ZNF75A: variants seen among roughly 807,000 people sequenced by gnomAD.
The protein encoded by ZNF75A is zinc finger protein 75A.
A neutral mutation model predicts 46.3 loss-of-function variants in ZNF75A; 36 were observed. The observed-to-expected ratio is 0.78, with a 90% confidence interval of 0.60 to 1.03. ZNF75A has a LOEUF of 1.03. Ranked by LOEUF, ZNF75A falls within the 50% of genes least tolerant of loss-of-function variation. The pLI is 0.00. For missense variants in ZNF75A, 595 were observed against 551.3 expected (o/e 1.08, Z -0.79); for synonymous variants, 234 against 189.9 (o/e 1.23, Z -1.91).
At chr16:3,311,298 CGTG>C (rs1327042859) in intron 2 of ZNF75A, among the ~76,000 whole-genome samples, 2 of 151,972 alleles carry the variant, frequency 1.3e-5, no homozygotes, top group African/African-American at 4.8e-5. Context: ...ATTAGCCAGG[CGTG>C]GTGGTGCATA....
At chr16:3,322,299 G>A (rs937497997), downstream of ZNF75A, among the ~76,000 whole-genome samples, 1 of 152,136 alleles carries the variant, frequency 6.6e-6, no homozygotes, top group Non-Finnish European at 1.5e-5. Flanking sequence ...TCTTGTGTGG[G>A]TTCACTGGGG....
chr16:3,306,340 T>C (rs758397707), intron 1 of ZNF75A: 1 of 152,212 alleles, frequency 6.6e-6, no homozygotes, highest in Non-Finnish European at 1.5e-5. Context: ...ATTTTGTAAA[T>C]AAAATATCCT....
chr16:3,318,080 T>C lies in ZNF75A; in HGVS notation c.*211T>C, dbSNP rs1468893781. The C allele has an allele frequency of 1.3e-5, 17 of 1,351,186 alleles. No homozygotes were observed. Among genetic ancestry groups the C allele is most frequent in the Non-Finnish European group, 1.4e-5 (15 of 1,056,490 alleles). 83.7% of individuals were successfully genotyped at this position (1,351,186 alleles called of 1,614,324 possible). ...GAAGTAAACATTGTTGGCTTTGTAT[T>C]GATCTCTCCAGTCATTTTTGAACAC... On this transcript the variant is annotated 3_prime_UTR_variant, in exon 7 of 7. Transcript: ENST00000669516.
At chr16:3,322,952 C>G (rs1380878564), downstream of ZNF75A, 8 of 984,980 alleles carry the variant, frequency 8.1e-6, no homozygotes, top group East Asian at 7.9e-4. Flanking sequence ...CTTCCGCCGA[C>G]AAGGAGGCAG....
chr16:3,309,002 T>A, intron 2 of ZNF75A, 166 bp downstream of exon 2: 1 of 233,140 alleles, frequency 4.3e-6, no homozygotes, highest in Non-Finnish European at 7.0e-6. Flanking sequence ...CACAGAAAAG[T>A]TCACAGGTTT....
downstream of ZNF75A, among the ~76,000 whole-genome samples, chr16:3,320,064 G>A (rs1481803701): frequency 6.1e-5 from 9 of 148,016 alleles, no homozygotes; most frequent in Non-Finnish European, 1.3e-4. Context: ...TTTTTTTCTT[G>A]AGACGGAGTC....
At chr16:3,319,362 G>A (rs1227204661), downstream of ZNF75A, among the ~76,000 whole-genome samples, 2 of 152,078 alleles carry the variant, frequency 1.3e-5, no homozygotes, top group African/African-American at 2.4e-5. Context: ...TGATCCACCC[G>A]CCTCGGCCTC....
chr16:3,311,254 A>C (rs141668450), intron 2 of ZNF75A, among the ~76,000 whole-genome samples: 3 of 152,014 alleles, frequency 2.0e-5, no homozygotes, highest in African/African-American at 7.3e-5. Flanking sequence ...CTTGACCAAC[A>C]TGAAGAAACC....
downstream of ZNF75A, chr16:3,323,076 A>G (rs1431373033): frequency 3.7e-6 from 2 of 543,392 alleles, no homozygotes; most frequent in African/African-American, 4.0e-5. Context: ...GTTTTTGAAG[A>G]TAAAGCAGGA....
chr16:3,318,822 G>A lies in ZNF75A; in HGVS notation c.*953G>A. ...CTGGACATGTAGTCAGCAGGAGACGGTTCCCTAAATAAAAGATTTGGGCAC... is the reference window on the plus strand; with the variant it reads ...CTGGACATGTAGTCAGCAGGAGACGATTCCCTAAATAAAAGATTTGGGCAC... On this transcript the variant is annotated 3_prime_UTR_variant, in exon 7 of 7. Coordinates refer to ENST00000669516, the MANE Select transcript of ZNF75A (RefSeq NM_001302109.2). 1 of 985,466 alleles carries A rather than the reference G, an allele frequency of 1.0e-6. No homozygotes were observed. The highest frequency in any genetic ancestry group is 1.2e-6 in the Non-Finnish European group (1 of 829,958). The allele number at this position is 985,466 out of a possible 1,614,324, so 61.0% of individuals were successfully genotyped here. A position where few individuals can be genotyped will look rare whatever the true frequency, so the allele number is the denominator to read the frequency against.
At chr16:3,312,148 A>T (rs1960855753) in intron 3 of ZNF75A, 200 bp downstream of exon 3, 1 of 154,010 alleles carries the variant, frequency 6.5e-6, no homozygotes, top group South Asian at 2.1e-4. Flanking sequence ...GAACAGAAAT[A>T]TCTAAACCAC....
Position 3,308,438 on chromosome 16 carries a change from G to A in ZNF75A, c.10G>A (p.Val4Ile), listed in dbSNP as rs895651174. Reference sequence around the variant, plus strand: ...AACTTCCTAGAGCAGAATGATGATGGTAGATCTGAAAGTGGCTGCGTACTT... The same window carrying A: ...AACTTCCTAGAGCAGAATGATGATGATAGATCTGAAAGTGGCTGCGTACTT... MMM[V>I]DLKVAAYLDP... Residue 4 changes from valine (V) to isoleucine (I), a missense_variant, in exon 2 of 7, where the codon GTA becomes ATA. Transcript: ENST00000669516. 1.0e-6 allele frequency: 1 copy of A among 985,876 alleles called. No individual in the cohort carries two copies. Among genetic ancestry groups the A allele is most frequent in the Non-Finnish European group, 1.2e-6 (1 of 829,954 alleles). 61.1% of individuals were successfully genotyped at this position (985,876 alleles called of 1,614,324 possible). A position where few individuals can be genotyped will look rare whatever the true frequency, so the allele number is the denominator to read the frequency against.
At chr16:3,308,051 C>T (rs529825583) in intron 1 of ZNF75A, 12 of 152,330 alleles carry the variant, frequency 7.9e-5, no homozygotes, top group African/African-American at 2.9e-4. Flanking sequence ...ACCTTTCAGC[C>T]AGTGGGTGCC....
chr16:3,317,470 G>C lies in ZNF75A; in HGVS notation c.1215G>C (p.Gln405His). Residue 405 changes from glutamine to histidine, a missense_variant, in exon 7 of 7, where the codon CAG (glutamine) becomes CAC (histidine). Gln to His is a conservative substitution (Grantham distance 24). Transcript: ENST00000669516. Reference sequence around the variant, plus strand: ...CAAGAGAGAAGCCTTTTAAATGTCAGGAATGTGGGAAAACCTTCAGAGTTA... The same window carrying C: ...CAAGAGAGAAGCCTTTTAAATGTCACGAATGTGGGAAAACCTTCAGAGTTA... ...DCAREKPFKC[Q>H]ECGKTFRVSS... 1 of 1,614,018 alleles carries C rather than the reference G, an allele frequency of 6.2e-7. No homozygotes were observed. Among genetic ancestry groups the C allele is most frequent in the Non-Finnish European group, 8.5e-7 (1 of 1,179,978 alleles).
rs1201588926 is a variant in ZNF75A at position 3,316,935 on chromosome 16, A to G, written c.847A>G (p.Lys283Glu). The G allele has an allele frequency of 3.7e-6, 6 of 1,613,444 alleles. No individual in the cohort carries two copies. Among genetic ancestry groups the G allele is most frequent in the Non-Finnish European group, 5.1e-6 (6 of 1,179,764 alleles). Residue 283 changes from lysine to glutamate, a missense_variant, in exon 6 of 7, where the codon AAA (lysine) becomes GAA (glutamate). Coordinates refer to ENST00000669516, the MANE Select transcript of ZNF75A (RefSeq NM_001302109.2). ...SLALFVLPKP[K>E]VISCLEQGEE... ...AGCATTGTTTGTGCTCCCCAAACCTAAAGTGATCTCCTGTCTAGAGCAAGG... is the reference window on the plus strand; with the variant it reads ...AGCATTGTTTGTGCTCCCCAAACCTGAAGTGATCTCCTGTCTAGAGCAAGG...
At chr16:3,323,347 G>A (rs750384523), downstream of ZNF75A, 39 of 1,105,214 alleles carry the variant, frequency 3.5e-5, no homozygotes, top group Non-Finnish European at 4.7e-5. Context: ...TTCACTGGGA[G>A]GCAATTTCAT....
chr16:3,317,526 A>G lies in ZNF75A; in HGVS notation c.1271A>G (p.His424Arg), dbSNP rs779341840. ...SSDLIKHQRI[H>R]TEEKPYKCQQ... ...GACCTTATTAAGCACCAAAGAATTC[A>G]CACTGAAGAGAAACCCTATAAATGT... is the stretch of plus-strand genomic sequence containing the variant. The change falls in exon 7 of 7, where the codon CAC (histidine) becomes CGC (arginine). Residue 424 changes from histidine (H) to arginine (R), a missense_variant. Physicochemically the swap from His to Arg is conservative, Grantham distance 29. Transcript: ENST00000669516. The G allele has an allele frequency of 6.2e-7, 1 of 1,614,050 alleles. No individual in the cohort carries two copies. The highest frequency in any genetic ancestry group is 8.5e-7 in the Non-Finnish European group (1 of 1,179,986).
Position 3,317,370 on chromosome 16 carries a change from T to C in ZNF75A, c.1115T>C (p.Val372Ala). ...RVGKWHQDFP[V>A]KKRKKLSTWK... ...GGAAAATGGCACCAAGATTTTCCAG[T>C]GAAGAAAAGAAAGAAACTTTCAACC... The change falls in exon 7 of 7, where the codon GTG (valine) becomes GCG (alanine). Residue 372 changes from valine to alanine, a missense_variant. Coordinates refer to ENST00000669516, the MANE Select transcript of ZNF75A (RefSeq NM_001302109.2). 1 of 1,614,024 alleles carries C rather than the reference T, an allele frequency of 6.2e-7. No homozygotes were observed. Among genetic ancestry groups the C allele is most frequent in the Non-Finnish European group, 8.5e-7 (1 of 1,180,000 alleles).
At position 3,314,993 on chromosome 16, in the gene ZNF75A, G is replaced by A. The variant is rs570546080; in HGVS notation, c.823+1818G>A. 6 of 985,258 alleles carry A rather than the reference G, an allele frequency of 6.1e-6. No homozygotes were observed. The East Asian group carries it at 4.5e-4, about 75-fold the overall frequency. The allele number at this position is 985,258 out of a possible 1,614,324, so 61.0% of individuals were successfully genotyped here. A position where few individuals can be genotyped will look rare whatever the true frequency, so the allele number is the denominator to read the frequency against. On this transcript the variant is annotated intron_variant, in intron 5 of 6. Transcript: ENST00000669516. ...GCTGGTTGATTCTCAACTAGATAGT[G>A]TAGCGGAGGGTGTAGGTGGTGTATC...
Sources: gnomAD v4.1 joint callset for allele counts (sites outside exome capture counted in the v4.1 genomes callset) on GRCh38, gnomAD v4.1.1 for gene constraint, MANE v1.5 for transcripts, NCBI Gene and HGNC (gene_info 2026-07-23, HGNC 2026-07-21) for gene names.